Variants in GRID2 observed in about 807,000 individuals in gnomAD.
GRID2 encodes glutamate receptor ionotropic, delta-2.
A neutral mutation model predicts 114.8 loss-of-function variants in GRID2; 33 were observed. The observed-to-expected ratio is 0.29, with a 90% CI of 0.22 to 0.38. The LOEUF (loss-of-function observed/expected upper bound fraction) is 0.38. Among genes scored for constraint, GRID2 ranks in the 10% least tolerant of loss-of-function variants. The pLI is 1.00. For synonymous variants in GRID2, 505 were observed against 449.9 expected (o/e 1.12, Z -1.55); for missense variants, 1,184 against 1,257.7 (o/e 0.94, Z 0.89).
intron 4 of GRID2, among the ~76,000 whole-genome samples, chr4:93,145,520 G>A (rs371018292): frequency 3.4e-5 from 5 of 146,862 alleles, no homozygotes; most frequent in African/African-American, 7.5e-5. Flanking sequence ...GGATTGCAAT[G>A]GTGTGATCTG....
At chr4:92,358,372 GA>G (rs1728448056) in intron 1 of GRID2, among the ~76,000 whole-genome samples, 1 of 151,886 alleles carries the variant, frequency 6.6e-6, no homozygotes, top group African/African-American at 2.4e-5. Flanking sequence ...AGAAATTTGG[GA>G]AGAGTTAATA....
At chr4:93,236,164 CTAATGA>C (rs1316947560) in intron 7 of GRID2, among the ~76,000 whole-genome samples, 1 of 151,910 alleles carries the variant, frequency 6.6e-6, no homozygotes, top group Non-Finnish European at 1.5e-5. Flanking sequence ...TTTGGAGATA[CTAATGA>C]TAATAAGATG....
intron 4 of GRID2, among the ~76,000 whole-genome samples, chr4:93,146,903 G>T (rs1030036386): frequency 8.5e-5 from 13 of 152,130 alleles, no homozygotes; most frequent in Middle Eastern, 3.4e-3. Flanking sequence ...TCTAATCTGG[G>T]TATTGGGAAT....
intron 2 of GRID2, among the ~76,000 whole-genome samples, chr4:92,740,697 TAGATAGA>T (rs1736837202): frequency 3.2e-4 from 32 of 99,808 alleles, no homozygotes; most frequent in East Asian, 2.0e-3. Context: ...AGATGATAGA[TAGATAGA>T]TAGATAGATA....
intron 14 of GRID2, among the ~76,000 whole-genome samples, chr4:93,706,952 A>T (rs1385419048): frequency 6.6e-6 from 1 of 152,112 alleles, no homozygotes; most frequent in Non-Finnish European, 1.5e-5. Context: ...TTTATCATCA[A>T]TTGAAATATC....
chr4:93,261,151 G>GT (rs995819011), intron 8 of GRID2, among the ~76,000 whole-genome samples: 3 of 151,444 alleles, frequency 2.0e-5, no homozygotes, highest in African/African-American at 7.3e-5. Context: ...TTTGACACAT[G>GT]TTAAAAAAAA....
intron 4 of GRID2, among the ~76,000 whole-genome samples, chr4:93,176,705 G>GT (rs1213768672): frequency 1.3e-5 from 2 of 152,044 alleles, no homozygotes; most frequent in Admixed American, 6.6e-5. Flanking sequence ...TATAATATAT[G>GT]TTTTAAATAT....
intron 14 of GRID2, among the ~76,000 whole-genome samples, chr4:93,687,776 A>C (rs1726201437): frequency 6.6e-6 from 1 of 152,052 alleles, no homozygotes; most frequent in Non-Finnish European, 1.5e-5. Context: ...AGCTTTTTCA[A>C]GTATTTCTGT....
chr4:92,996,463 C>T (rs1755205056), intron 2 of GRID2, among the ~76,000 whole-genome samples: 2 of 152,194 alleles, frequency 1.3e-5, no homozygotes, highest in African/African-American at 4.8e-5. Flanking sequence ...GAAACAGTAA[C>T]ACAGAAGACA....
At chr4:93,449,535 G>A (rs191635325) in intron 10 of GRID2, among the ~76,000 whole-genome samples, 1 of 152,158 alleles carries the variant, frequency 6.6e-6, no homozygotes, top group East Asian at 1.9e-4. Flanking sequence ...GTTTTTGATA[G>A]CATTAGCTAT....
intron 8 of GRID2, among the ~76,000 whole-genome samples, chr4:93,261,530 A>T (rs1402352137): frequency 6.6e-6 from 1 of 151,830 alleles, no homozygotes; most frequent in Non-Finnish European, 1.5e-5. Flanking sequence ...AGGGTAAAGA[A>T]AATTTCAAGT....
At chr4:93,128,801 A>G (rs2149372441) in intron 4 of GRID2, among the ~76,000 whole-genome samples, 1 of 152,348 alleles carries the variant, frequency 6.6e-6, no homozygotes, top group East Asian at 1.9e-4. Context: ...CTGAGCTTAG[A>G]GTTGCTACAA....
chr4:92,808,599 T>C (rs1356584495), intron 2 of GRID2, among the ~76,000 whole-genome samples: 2 of 151,982 alleles, frequency 1.3e-5, no homozygotes, highest in Non-Finnish European at 2.9e-5. Context: ...TGCTTTATTT[T>C]TGTAGAGCTT....
intron 1 of GRID2, among the ~76,000 whole-genome samples, chr4:92,580,277 T>G (rs1728116812): frequency 6.6e-6 from 1 of 151,436 alleles, no homozygotes; most frequent in African/African-American, 2.4e-5. Flanking sequence ...AAATAATCAG[T>G]GGATATCTGT....
At chr4:92,410,629 C>T (rs978321808) in intron 1 of GRID2, among the ~76,000 whole-genome samples, 1 of 152,100 alleles carries the variant, frequency 6.6e-6, no homozygotes, top group Non-Finnish European at 1.5e-5. Context: ...GAATTTAAAT[C>T]CTACTTCAAG....
intron 1 of GRID2, among the ~76,000 whole-genome samples, chr4:93,790,752 A>G (rs1734678886): frequency 6.6e-6 from 1 of 152,222 alleles, no homozygotes; most frequent in Non-Finnish European, 1.5e-5. Context: ...ATCCTGAGAG[A>G]ACAAAGTTAG....
intron 1 of GRID2, among the ~76,000 whole-genome samples, chr4:92,391,978 T>C (rs920095514): frequency 2.8e-4 from 43 of 152,200 alleles, no homozygotes; most frequent in African/African-American, 1.0e-3. Context: ...GACAGATCTC[T>C]GATGGTGTCT....
At chr4:92,353,945 T>C (rs187603578) in intron 1 of GRID2, among the ~76,000 whole-genome samples, 1 of 152,148 alleles carries the variant, frequency 6.6e-6, no homozygotes, top group African/African-American at 2.4e-5. Flanking sequence ...CCATAAACTT[T>C]TGCCTCAGGC....
At chr4:93,649,833 C>G (rs1025038715) in intron 14 of GRID2, among the ~76,000 whole-genome samples, 2 of 152,212 alleles carry the variant, frequency 1.3e-5, no homozygotes, top group African/African-American at 4.8e-5. Flanking sequence ...CTTTATAACT[C>G]CAAAATCCTA....
Sources: gnomAD v4.1 joint callset for allele counts (sites outside exome capture counted in the v4.1 genomes callset) on GRCh38, gnomAD v4.1.1 for gene constraint, MANE v1.5 for transcripts, NCBI Gene and HGNC (gene_info 2026-07-23, HGNC 2026-07-21) for gene names.